Variants in EIF4E3 observed in about 807,000 individuals in gnomAD.
The protein encoded by EIF4E3 is eukaryotic translation initiation factor 4E type 3.
A neutral mutation model predicts 31.7 loss-of-function variants in EIF4E3; 26 were observed. That is an observed-to-expected ratio of 0.82 (90% CI 0.60 to 1.14). The LOEUF (loss-of-function observed/expected upper bound fraction) is 1.14. Among genes scored for constraint, EIF4E3 ranks in the 50% most tolerant of loss-of-function variants. The pLI, the probability that EIF4E3 is intolerant of heterozygous loss-of-function variation, is 0.00. For synonymous variants in EIF4E3, 128 were observed against 107.7 expected, an observed-to-expected ratio of 1.19 and a Z score of -1.17; for missense variants, 304 against 270.9, an observed-to-expected ratio of 1.12 and a Z score of -0.86.
At chr3:71,711,602 G>T (rs968786490) in intron 1 of EIF4E3, among the ~76,000 whole-genome samples, 2 of 152,210 alleles carry the variant, frequency 1.3e-5, no homozygotes, top group African/African-American at 2.4e-5. Context: ...CCATGCCCAG[G>T]TTGGGGTAAG....
intron 3 of EIF4E3, 134 bp from the exon 4 acceptor site, chr3:71,696,654 ATT>A (rs2049141332): frequency 1.0e-6 from 1 of 1,000,794 alleles, no homozygotes; most frequent in Non-Finnish European, 1.5e-6. Context: ...CATTTTTCTT[ATT>A]TTTGTTTTTT....
chr3:71,684,494 T>C lies in EIF4E3; in HGVS notation c.*188A>G, dbSNP rs1486565814. ...TTTTAAAAAGCAAGTAATGTGACGG[T>C]AGAAACCCACACAATCTCCCCCCAC... On this transcript the variant is annotated 3_prime_UTR_variant, in exon 7 of 7. Transcript: ENST00000425534. 2.1e-6 allele frequency: 1 copy of C among 471,362 alleles called. No homozygotes were observed. The highest frequency in any genetic ancestry group is 3.6e-6 in the Non-Finnish European group (1 of 275,644). The allele number at this position is 471,362 out of a possible 1,614,324, so 29.2% of individuals were successfully genotyped here.
At chr3:71,659,571 TA>T in the EIF4E3 span, among the ~76,000 whole-genome samples, 3 of 152,170 alleles carry the variant, frequency 2.0e-5, no homozygotes, top group Non-Finnish European at 4.4e-5. Context: ...ACTCTGAGGA[TA>T]GGGGTGGAAG....
At chr3:71,669,998 G>T in the EIF4E3 span, among the ~76,000 whole-genome samples, 4 of 152,158 alleles carry the variant, frequency 2.6e-5, no homozygotes, top group Non-Finnish European at 5.9e-5. Flanking sequence ...AGAACAACTG[G>T]ATTTAAAACC....
At chr3:71,710,272 T>G in intron 2 of EIF4E3, 140 bp downstream of exon 2, 1 of 898,676 alleles carries the variant, frequency 1.1e-6, no homozygotes. Context: ...CAAGGGCAGC[T>G]GTGCCAACCT....
At chr3:71,661,665 C>A in the EIF4E3 span, among the ~76,000 whole-genome samples, 228 of 152,310 alleles carry the variant, frequency 1.5e-3, 1 homozygote, top group African/African-American at 5.1e-3. Flanking sequence ...GGAAATGGCA[C>A]ACTTTGGCAT....
At chr3:71,698,999 T>C (rs1008463900) in intron 3 of EIF4E3, among the ~76,000 whole-genome samples, 6 of 152,176 alleles carry the variant, frequency 3.9e-5, no homozygotes, top group South Asian at 2.1e-4. Flanking sequence ...GGTGGGCACA[T>C]TGCTGGAGCC....
upstream of EIF4E3, among the ~76,000 whole-genome samples, chr3:71,729,798 A>ATGTGTGTGTGTGTGTGTGTGTG (rs3066626): frequency 1.0e-3 from 132 of 129,762 alleles, 2 homozygotes; most frequent in Middle Eastern, 3.9e-3. Flanking sequence ...TTCCAATAGA[A>ATGTGTGTGTGTGTGTGTGTGTG]TGTGTGTGTG....
chr3:71,725,582 A>G (rs966276999), upstream of EIF4E3, among the ~76,000 whole-genome samples: 2 of 151,674 alleles, frequency 1.3e-5, no homozygotes, highest in African/African-American at 4.8e-5. This position sits in a 1 kb window ranked among gnomAD's most constrained non-coding sequence, Gnocchi z 6.1. Flanking sequence ...CGCCGAACAA[A>G]GACAGACCCA....
At chr3:71,752,901 G>A (rs578029230) in intron 1 of EIF4E3, among the ~76,000 whole-genome samples, 1 of 152,314 alleles carries the variant, frequency 6.6e-6, no homozygotes, top group African/African-American at 2.4e-5. Context: ...AATCATAACA[G>A]GGGCTGCCCT....
chr3:71,713,845 A>T (rs1015204156), intron 1 of EIF4E3, among the ~76,000 whole-genome samples: 2 of 152,174 alleles, frequency 1.3e-5, no homozygotes, highest in African/African-American at 4.8e-5. Context: ...CACAAAAACC[A>T]AAAGGGTTAC....
chr3:71,724,874 C>T (rs575792915), intron 1 of EIF4E3, among the ~76,000 whole-genome samples: 1 of 152,324 alleles, frequency 6.6e-6, no homozygotes, highest in South Asian at 2.1e-4. Flanking sequence ...AGCTCGCCTA[C>T]CCTCTCCCAC....
chr3:71,706,171 A>G (rs1254322364), intron 2 of EIF4E3, among the ~76,000 whole-genome samples: 1 of 152,172 alleles, frequency 6.6e-6, no homozygotes, highest in Non-Finnish European at 1.5e-5. Flanking sequence ...GGTCCTTTGG[A>G]GGCTGAGTCT....
upstream of EIF4E3, chr3:71,754,383 C>T: frequency 7.4e-7 from 1 of 1,344,438 alleles, no homozygotes; most frequent in African/African-American, 1.5e-5. This position sits in a 1 kb window ranked among gnomAD's most constrained non-coding sequence, Gnocchi z 5.8. Context: ...CGCCGCCTTC[C>T]TGCTGCTGGG....
intron 1 of EIF4E3, among the ~76,000 whole-genome samples, chr3:71,724,560 C>A (rs1377815236): frequency 1.3e-5 from 2 of 152,208 alleles, no homozygotes; most frequent in African/African-American, 4.8e-5. Flanking sequence ...CCCTTCCTGA[C>A]AAGGTCAGCT....
chr3:71,677,688 CTG>C lies in EIF4E3; in HGVS notation c.*6992_*6993del, dbSNP rs2048884296. ...TTAATTAGGCATCACACATAAGATCCTGAATTGCTTGTTTCTGCAGGGAGAGA... is the reference window on the plus strand; with the variant it reads ...TTAATTAGGCATCACACATAAGATCCAATTGCTTGTTTCTGCAGGGAGAGA... On this transcript the variant is annotated 3_prime_UTR_variant, in exon 7 of 7. Coordinates refer to ENST00000425534, the MANE Select transcript of EIF4E3 (RefSeq NM_001134651.2). 2.6e-5 allele frequency: 4 copies of C among 152,124 alleles called. No individual in the cohort carries two copies. Among genetic ancestry groups the C allele is most frequent in the African/African-American group, 9.7e-5 (4 of 41,424 alleles). 9.4% of individuals were successfully genotyped at this position (152,124 alleles called of 1,614,324 possible). A position where few individuals can be genotyped will look rare whatever the true frequency, so the allele number is the denominator to read the frequency against.
At chr3:71,717,378 C>G (rs2049481460) in intron 1 of EIF4E3, among the ~76,000 whole-genome samples, 1 of 152,206 alleles carries the variant, frequency 6.6e-6, no homozygotes, top group East Asian at 1.9e-4. Context: ...ACTATTGTCA[C>G]AAGCGCATTT....
chr3:71,682,270 C>G lies in EIF4E3; in HGVS notation c.*2412G>C, dbSNP rs1055241163. 2.0e-5 allele frequency: 3 copies of G among 152,194 alleles called. No homozygotes were observed. The highest frequency in any genetic ancestry group is 3.8e-4 in the East Asian group (2 of 5,198). The allele number at this position is 152,194 out of a possible 1,614,324, so 9.4% of individuals were successfully genotyped here. A position where few individuals can be genotyped will look rare whatever the true frequency, so the allele number is the denominator to read the frequency against. ...CAAGCTCTTTGGTTTCTGCATGGTTCTTTGCAGACTACAAGGCTGCCCCTG... is the reference window on the plus strand; with the variant it reads ...CAAGCTCTTTGGTTTCTGCATGGTTGTTTGCAGACTACAAGGCTGCCCCTG... On this transcript the variant is annotated 3_prime_UTR_variant, in exon 7 of 7. Coordinates refer to ENST00000425534, the MANE Select transcript of EIF4E3 (RefSeq NM_001134651.2).
chr3:71,737,070 G>C (rs1362763024), intron 1 of EIF4E3, among the ~76,000 whole-genome samples: 1 of 152,176 alleles, frequency 6.6e-6, no homozygotes, highest in Non-Finnish European at 1.5e-5. Context: ...AACCTGATGA[G>C]GTATTAACAA....
Sources: allele counts gnomAD v4.1 joint callset (sites outside exome capture counted in the v4.1 genomes callset), GRCh38; gene constraint gnomAD v4.1.1; non-coding constraint Gnocchi (gnomAD v3.1); transcripts MANE v1.5; gene names NCBI Gene and HGNC (gene_info 2026-07-23, HGNC 2026-07-21).